RALA: variants seen among roughly 807,000 people sequenced by gnomAD.
RALA encodes ras-related protein Ral-A.
RALA carries 5 observed loss-of-function variants against 24.0 expected under a neutral mutation model. The ratio of observed to expected loss-of-function variants is 0.21; its 90% CI spans 0.11 to 0.44. RALA has a LOEUF of 0.44. RALA is among the 20% of genes least tolerant of loss of function. The pLI is 0.99. For missense variants in RALA, 95 were observed against 241.2 expected (o/e 0.39, Z 4.01); for synonymous variants, 77 against 83.8 (o/e 0.92, Z 0.44).
chr7:39,681,117 T>C (rs1792589659), intron 1 of RALA, among the ~76,000 whole-genome samples: 1 of 152,096 alleles, frequency 6.6e-6, no homozygotes, highest in Admixed American at 6.6e-5. Flanking sequence ...TCTAGATCAT[T>C]AATTTATGCC....
intron 1 of RALA, among the ~76,000 whole-genome samples, chr7:39,674,041 GTAAATAAATAAATAAA>G (rs72097023): frequency 6.1e-5 from 3 of 48,894 alleles, no homozygotes; most frequent in Non-Finnish European, 1.2e-4. Context: ...GGCATGCACT[GTAAATAAATAAATAAA>G]TAAATAAATA....
chr7:39,637,183 A>G (rs1286608058), intron 1 of RALA, among the ~76,000 whole-genome samples: 2 of 152,274 alleles, frequency 1.3e-5, no homozygotes, highest in Non-Finnish European at 2.9e-5. Context: ...TGTTGACTAC[A>G]TAATTGAGGA....
chr7:39,647,553 G>A (rs544050581), intron 1 of RALA, among the ~76,000 whole-genome samples: 6 of 152,258 alleles, frequency 3.9e-5, no homozygotes, highest in East Asian at 1.9e-4. Context: ...GTGTGATCCC[G>A]GACATGTTTG....
At chr7:39,692,837 C>T (rs1484006004) in intron 3 of RALA, among the ~76,000 whole-genome samples, 1 of 152,176 alleles carries the variant, frequency 6.6e-6, no homozygotes, top group Non-Finnish European at 1.5e-5. Context: ...TCAGTCTCAC[C>T]TTCCAAGTGG....
intron 1 of RALA, among the ~76,000 whole-genome samples, chr7:39,628,134 T>C (rs1271284893): frequency 6.6e-6 from 1 of 151,932 alleles, no homozygotes; most frequent in East Asian, 1.9e-4. Context: ...CCTAATCTAG[T>C]ATACTCCTAC....
chr7:39,653,102 T>C (rs1415420138), intron 1 of RALA, among the ~76,000 whole-genome samples: 2 of 151,878 alleles, frequency 1.3e-5, no homozygotes, highest in Non-Finnish European at 2.9e-5. Context: ...CGATCTCGGC[T>C]CACTGCAACC....
chr7:39,684,604 G>A lies in RALA; in HGVS notation c.-37-2027G>A, dbSNP rs560519519. 6.8e-4 allele frequency among the ~76,000 whole-genome samples: 103 copies of A among 151,702 alleles called. 1 individual carries two copies. The highest frequency in any genetic ancestry group is 2.3e-3 in the African/African-American group (95 of 41,340). ...CTAGTAGCAAGAGCTGCTTTACACC[G>A]GTACAACCTAAAAGCAGGGGTGTCC... On this transcript the variant is annotated intron_variant, in intron 1 of 4. Coordinates refer to ENST00000005257, the MANE Select transcript of RALA (RefSeq NM_005402.4).
intron 1 of RALA, among the ~76,000 whole-genome samples, chr7:39,657,761 A>G (rs989343504): frequency 3.7e-5 from 3 of 80,926 alleles, no homozygotes. Context: ...GTCTCCACAA[A>G]AAAAGAAAAA....
intron 1 of RALA, among the ~76,000 whole-genome samples, chr7:39,659,274 ACT>A (rs1481974009): frequency 2.0e-5 from 3 of 152,066 alleles, no homozygotes; most frequent in Non-Finnish European, 4.4e-5. Context: ...AGTGAGAGAG[ACT>A]CTGTCTCAAA....
chr7:39,655,071 G>A lies in RALA; in HGVS notation c.-38+31246G>A, dbSNP rs1183945359. Among the ~76,000 whole-genome samples the A allele has an allele frequency of 3.9e-5, 6 of 152,138 alleles. No homozygotes were observed. In the South Asian group the frequency reaches 6.2e-4, roughly 16 times the overall value. ...GCCTCTAAATTCTTTTTTTGCAATT[G>A]TATTTTTGCATCTAATTGTTCTAGC... On this transcript the variant is annotated intron_variant, in intron 1 of 4. Transcript: ENST00000005257.
chr7:39,691,774 A>G (rs529691809), intron 3 of RALA, among the ~76,000 whole-genome samples: 1 of 152,334 alleles, frequency 6.6e-6, no homozygotes, highest in South Asian at 2.1e-4. Context: ...ATATATGATG[A>G]CATGCAAGGG....
intron 1 of RALA, among the ~76,000 whole-genome samples, chr7:39,648,549 C>CT (rs759977321): frequency 1.4e-3 from 209 of 152,172 alleles, no homozygotes; most frequent in Middle Eastern, 6.8e-3. Flanking sequence ...CCTCATGGAT[C>CT]TTATGTTCTG....
At chr7:39,699,132 T>TTA (rs1554298488) in intron 4 of RALA, among the ~76,000 whole-genome samples, 2 of 114,290 alleles carry the variant, frequency 1.7e-5, no homozygotes, top group Admixed American at 1.6e-4. Context: ...TTTTTTTTTT[T>TTA]TTTTTTTTTT....
intron 1 of RALA, among the ~76,000 whole-genome samples, chr7:39,651,783 A>T (rs1792022224): frequency 6.6e-6 from 1 of 152,164 alleles, no homozygotes; most frequent in Non-Finnish European, 1.5e-5. Flanking sequence ...TGCTGTTTGT[A>T]AGCAGCTTTT....
At chr7:39,655,123 T>G (rs1174250935) in intron 1 of RALA, among the ~76,000 whole-genome samples, 1 of 152,232 alleles carries the variant, frequency 6.6e-6, no homozygotes, top group Admixed American at 6.5e-5. Context: ...TGATTCTTTC[T>G]TTACTGAATT....
At chr7:39,689,751 C>T (rs1215038353) in intron 2 of RALA, among the ~76,000 whole-genome samples, 1 of 152,106 alleles carries the variant, frequency 6.6e-6, no homozygotes, top group Non-Finnish European at 1.5e-5. Flanking sequence ...GCCTTGTCTG[C>T]GTACATATAC....
intron 1 of RALA, among the ~76,000 whole-genome samples, chr7:39,636,246 G>A (rs925394576): frequency 2.6e-5 from 4 of 152,218 alleles, no homozygotes; most frequent in Middle Eastern, 6.8e-3. Context: ...GTGCTGGGTC[G>A]TATAATAACT....
At chr7:39,672,645 G>A (rs1176587701) in intron 1 of RALA, among the ~76,000 whole-genome samples, 1 of 90,574 alleles carries the variant, frequency 1.1e-5, no homozygotes, top group Non-Finnish European at 2.0e-5. Context: ...ATACTATTCA[G>A]TCGTAAAAAA....
intron 1 of RALA, among the ~76,000 whole-genome samples, chr7:39,665,852 T>G (rs911149786): frequency 1.9e-4 from 29 of 152,228 alleles, no homozygotes; most frequent in Admixed American, 7.2e-4. Context: ...ATGTGAATTT[T>G]TTTTTTTTAA....
Sources: gnomAD v4.1 joint callset for allele counts (sites outside exome capture counted in the v4.1 genomes callset) on GRCh38, gnomAD v4.1.1 for gene constraint, MANE v1.5 for transcripts, NCBI Gene and HGNC (gene_info 2026-07-23, HGNC 2026-07-21) for gene names.